The following PARP14 variants were observed in gnomAD, a reference collection of about 807,000 sequenced individuals.
The protein encoded by PARP14 is poly(ADP-ribose) polymerase family member 14.
Under a neutral mutation model 154.2 loss-of-function variants are expected in PARP14, and 59 were observed. The observed-to-expected ratio is 0.38, with a 90% confidence interval of 0.31 to 0.48. PARP14 has a LOEUF of 0.48. Among genes scored for constraint, PARP14 ranks in the 20% least tolerant of loss-of-function variants. The probability of loss-of-function intolerance (pLI) is 0.98; values close to 1 mark genes in which losing one functional copy is unlikely to be tolerated. For missense variants in PARP14, 1,734 were observed against 2,131.6 expected (o/e 0.81, Z 3.67); for synonymous variants, 720 against 780.5 (o/e 0.92, Z 1.29).
rs1183137348 is a variant in PARP14, at chr3:122,718,566, A to G, written c.4415A>G (p.Tyr1472Cys). 1.2e-6 allele frequency: 2 copies of G among 1,613,840 alleles called. No homozygotes were observed. The highest frequency in any genetic ancestry group is 1.7e-6 in the Non-Finnish European group (2 of 1,179,842). ...ECIKDFDEKE[Y>C]QELNELQKKL... ...ATCAAAGACTTTGATGAAAAGGAGT[A>G]TCAGGAGTTGAATGAGCTGCAGAAG... Residue 1472 changes from tyrosine to cysteine, a missense_variant, in exon 14 of 17, where the codon TAT becomes TGT. Coordinates refer to ENST00000474629, the MANE Select transcript of PARP14 (RefSeq NM_017554.3).
At position 122,699,895 on chromosome 3, in the gene PARP14, A is replaced by G. The variant is rs962595214; in HGVS notation, c.1341A>G (p.Val447=). ...CAGAGGATGTCCAAAGCATTGAGGT[A>G]CAAGTCAGGGAGTTAATAGAAAGCA... ...GKSEDVQSIE[V]QVRELIESTT... The change falls in exon 6 of 17, where the codon GTA becomes GTG. Residue 447 remains valine, a synonymous_variant. Coordinates refer to ENST00000474629, the MANE Select transcript of PARP14 (RefSeq NM_017554.3). 4.3e-6 allele frequency: 7 copies of G among 1,613,892 alleles called. No homozygotes were observed. Among genetic ancestry groups the G allele is most frequent in the Middle Eastern group, 1.6e-4 (1 of 6,084 alleles).
chr3:122,695,760 T>C, intron 5 of PARP14, 98 bp downstream of exon 5: 2 of 632,454 alleles, frequency 3.2e-6, no homozygotes, highest in Non-Finnish European at 5.6e-6. Flanking sequence ...TATTTGTTTA[T>C]TTATGTATTT....
rs148288229 is a variant in PARP14, at chr3:122,689,950, T to C, written c.356-2351T>C. ...TGTTTTCTAAATTGTCTGATGCAGTTGCAGCACTCTGCCTGTGCTTCTGTT... is the reference window on the plus strand; with the variant it reads ...TGTTTTCTAAATTGTCTGATGCAGTCGCAGCACTCTGCCTGTGCTTCTGTT... On this transcript the variant is annotated intron_variant, in intron 3 of 16. Transcript: ENST00000474629. 5.9e-5 allele frequency among the ~76,000 whole-genome samples: 9 copies of C among 152,318 alleles called. 1 individual carries two copies. In the East Asian group the frequency reaches 1.7e-3, roughly 30 times the overall value.
At chr3:122,684,840 AG>A (rs1305383192) in intron 1 of PARP14, among the ~76,000 whole-genome samples, 4 of 152,164 alleles carry the variant, frequency 2.6e-5, no homozygotes, top group Admixed American at 6.6e-5. Flanking sequence ...GTACCTCCTG[AG>A]TGTCAGGTCC....
intron 4 of PARP14, among the ~76,000 whole-genome samples, chr3:122,692,918 T>C (rs2107639567): frequency 6.6e-6 from 1 of 152,318 alleles, no homozygotes; most frequent in African/African-American, 2.4e-5. Context: ...AGTAAATATT[T>C]GTATTACCAA....
chr3:122,695,384 A>T (rs1159574759), intron 4 of PARP14, 42 bp from the exon 5 acceptor site: 2 of 1,005,498 alleles, frequency 2.0e-6, no homozygotes, highest in Non-Finnish European at 3.0e-6. Flanking sequence ...AAGATACAAT[A>T]AAAATTTACT....
intron 9 of PARP14, among the ~76,000 whole-genome samples, chr3:122,708,499 A>T (rs1054911288): frequency 6.6e-6 from 1 of 152,226 alleles, no homozygotes; most frequent in Admixed American, 6.5e-5. Context: ...GGTTTTAAGT[A>T]ATGACAAGAC....
chr3:122,688,837 C>T (rs930264462), intron 3 of PARP14, among the ~76,000 whole-genome samples: 3 of 152,180 alleles, frequency 2.0e-5, no homozygotes, highest in African/African-American at 7.2e-5. Flanking sequence ...CATGAATGCA[C>T]TAAGCATGCC....
rs1379127688 is a variant in PARP14 at position 122,688,869 on chromosome 3, T to G, written c.355+1756T>G. On this transcript the variant is annotated intron_variant, in intron 3 of 16. Transcript: ENST00000474629. ...TGCCCGAAACCTCATGCAAAAAGTT[T>G]AAAACTGAGGCGTCTGCAGGAGCTG... Among the ~76,000 whole-genome samples, 5 of 152,058 alleles carry G rather than the reference T, an allele frequency of 3.3e-5. No individual in the cohort carries two copies. The East Asian group carries it at 9.6e-4, about 29-fold the overall frequency.
At chr3:122,715,782 T>C (rs924205001) in intron 12 of PARP14, among the ~76,000 whole-genome samples, 34 of 152,308 alleles carry the variant, frequency 2.2e-4, no homozygotes, top group Non-Finnish European at 3.2e-4. Flanking sequence ...CCACCTTCAG[T>C]TGATTTGGGC....
chr3:122,730,080 G>A lies in PARP14; in HGVS notation c.*1483G>A, dbSNP rs562735311. 5 of 152,272 alleles carry A rather than the reference G, an allele frequency of 3.3e-5. No homozygotes were observed. The South Asian group carries it at 6.2e-4, about 19-fold the overall frequency. 9.4% of individuals were successfully genotyped at this position (152,272 alleles called of 1,614,324 possible). Reference sequence around the variant, plus strand: ...TTTCATACACATTGTCTCAATTCCTGTGAGGTCAGAATTATCTCTGCATTT... The same window carrying A: ...TTTCATACACATTGTCTCAATTCCTATGAGGTCAGAATTATCTCTGCATTT... On this transcript the variant is annotated 3_prime_UTR_variant, in exon 17 of 17. Coordinates refer to ENST00000474629, the MANE Select transcript of PARP14 (RefSeq NM_017554.3).
At chr3:122,690,047 CCTCTT>C (rs1189817836) in intron 3 of PARP14, among the ~76,000 whole-genome samples, 1 of 152,212 alleles carries the variant, frequency 6.6e-6, no homozygotes, top group African/African-American at 2.4e-5. Context: ...TGAACTTCCT[CCTCTT>C]CTCTCAAGTC....
intron 15 of PARP14, among the ~76,000 whole-genome samples, chr3:122,727,061 A>G (rs1933306576): frequency 2.0e-5 from 3 of 151,646 alleles, no homozygotes; most frequent in Admixed American, 2.0e-4. Flanking sequence ...GTTCTCCAAA[A>G]CGGAAAACAT....
intron 2 of PARP14, among the ~76,000 whole-genome samples, chr3:122,685,664 T>C (rs1398835345): frequency 1.3e-5 from 2 of 152,004 alleles, no homozygotes; most frequent in Non-Finnish European, 1.5e-5. Flanking sequence ...CATATGCCAC[T>C]ATGCCCAGAT....
chr3:122,701,820 T>C lies in PARP14; in HGVS notation c.3081+185T>C, dbSNP rs906769310. Reference sequence around the variant, plus strand: ...TTGGGCTTCTTACCAAATCATTTACTAATAGAGATCGGCCAATTATTTGTG... The same window carrying C: ...TTGGGCTTCTTACCAAATCATTTACCAATAGAGATCGGCCAATTATTTGTG... On this transcript the variant is annotated intron_variant, in intron 6 of 16. Coordinates refer to ENST00000474629, the MANE Select transcript of PARP14 (RefSeq NM_017554.3). The surrounding 1 kb of genome is among the most constrained non-coding windows in gnomAD (Gnocchi z 4.0). Among the ~76,000 whole-genome samples the C allele has an allele frequency of 6.6e-6, 1 of 152,248 alleles. No individual in the cohort carries two copies. Among genetic ancestry groups the C allele is most frequent in the African/African-American group, 2.4e-5 (1 of 41,472 alleles).
chr3:122,695,561 A>G lies in PARP14; in HGVS notation c.734A>G (p.Lys245Arg). ...LPPGADDYSL[K>R]LFFENPYNGG... Reference sequence around the variant, plus strand: ...CCTGGTGCTGATGACTACAGTTTAAAACTTTTCTTTGAAAATCCCTATAAT... The same window carrying G: ...CCTGGTGCTGATGACTACAGTTTAAGACTTTTCTTTGAAAATCCCTATAAT... Residue 245 changes from lysine to arginine, a missense_variant, in exon 5 of 17, where the codon AAA (lysine) becomes AGA (arginine). By Grantham distance (26) the Lys-to-Arg change is conservative. Around this residue, in one of 2 missense-constraint regions of PARP14, gnomAD observed 1,646 missense variants for 1,976.0 expected, o/e 0.83. Transcript: ENST00000474629. 1.2e-6 allele frequency: 2 copies of G among 1,610,654 alleles called. No individual in the cohort carries two copies.
intron 5 of PARP14, among the ~76,000 whole-genome samples, chr3:122,697,190 G>A (rs1938806360): frequency 6.6e-6 from 1 of 152,170 alleles, no homozygotes; most frequent in South Asian, 2.1e-4. Flanking sequence ...CTGGGCTCAA[G>A]CAATACTCCC....
chr3:122,711,514 T>A (rs1939318603), intron 9 of PARP14, among the ~76,000 whole-genome samples: 1 of 152,242 alleles, frequency 6.6e-6, no homozygotes, highest in Non-Finnish European at 1.5e-5. Context: ...GATTTTTGCA[T>A]CTGTGTTCAT....
chr3:122,698,272 C>T (rs1480444002), intron 5 of PARP14, among the ~76,000 whole-genome samples: 1 of 152,230 alleles, frequency 6.6e-6, no homozygotes. Flanking sequence ...TTTTTAACAT[C>T]TTTCCACAAA....
Sources: allele counts gnomAD v4.1 joint callset (sites outside exome capture counted in the v4.1 genomes callset), GRCh38; gene constraint gnomAD v4.1.1; regional missense constraint gnomAD v4.1.1; non-coding constraint Gnocchi (gnomAD v3.1); transcripts MANE v1.5; gene names NCBI Gene and HGNC (gene_info 2026-07-23, HGNC 2026-07-21).